Variants in DAPK2 observed in about 807,000 individuals in gnomAD.
DAPK2 encodes death-associated protein kinase 2.
Under a neutral mutation model 44.1 loss-of-function variants are expected in DAPK2, and 35 were observed. That is an observed-to-expected ratio of 0.79 (90% CI 0.61 to 1.05). The LOEUF (loss-of-function observed/expected upper bound fraction) is 1.05. Among genes scored for constraint, DAPK2 ranks in the 50% least tolerant of loss-of-function variants. The pLI, the probability that DAPK2 is intolerant of heterozygous loss-of-function variation, is 0.00. For synonymous variants in DAPK2, 174 were observed against 182.6 expected, an observed-to-expected ratio of 0.95 and a Z score of 0.38; for missense variants, 453 against 483.2, an observed-to-expected ratio of 0.94 and a Z score of 0.59.
chr15:63,960,774 G>T lies in DAPK2; in HGVS notation c.453+10649C>A, dbSNP rs191881537. 3.3e-5 allele frequency among the ~76,000 whole-genome samples: 5 copies of T among 152,274 alleles called. No homozygotes were observed. The East Asian group carries it at 9.6e-4, about 29-fold the overall frequency. On this transcript the variant is annotated intron_variant, in intron 3 of 10. Coordinates refer to ENST00000261891, the Ensembl canonical transcript of DAPK2. ...GGAGTGCTTTACTTCAAACTATGTG[G>T]TCAATTTTGGAATAAGTGTGATGTG...
At chr15:63,989,398 G>C (rs146299714) in intron 1 of DAPK2, among the ~76,000 whole-genome samples, 1 of 152,184 alleles carries the variant, frequency 6.6e-6, no homozygotes, top group South Asian at 2.1e-4. Flanking sequence ...AAAAGAGAGA[G>C]AGAAAACTGG....
intron 3 of DAPK2, among the ~76,000 whole-genome samples, chr15:63,963,491 A>T (rs1351604843): frequency 6.6e-6 from 1 of 152,134 alleles, no homozygotes; most frequent in Admixed American, 6.5e-5. Flanking sequence ...TTGTTTTTTA[A>T]TCCATTCAGC....
intron 3 of DAPK2, among the ~76,000 whole-genome samples, chr15:63,960,045 C>G (rs111399838): frequency 1.3e-5 from 2 of 152,164 alleles, no homozygotes; most frequent in African/African-American, 4.8e-5. Flanking sequence ...TGTTATTGGT[C>G]TATTCAGGGA....
At chr15:63,985,688 CA>C (rs1041744868) in intron 1 of DAPK2, among the ~76,000 whole-genome samples, 11 of 152,238 alleles carry the variant, frequency 7.2e-5, no homozygotes, top group Admixed American at 2.0e-4. Context: ...CCAAATCCCC[CA>C]GCTCCCAGCC....
chr15:64,034,522 G>T (rs1326119539), intron 1 of DAPK2, among the ~76,000 whole-genome samples: 1 of 152,176 alleles, frequency 6.6e-6, no homozygotes. Flanking sequence ...TCCTCTAAGT[G>T]GTAGCAATTA....
chr15:64,038,785 A>G (rs408866), intron 1 of DAPK2, among the ~76,000 whole-genome samples: 125,167 of 152,098 alleles, frequency 0.82, 51,810 homozygotes, highest in East Asian at 0.92. Flanking sequence ...ACTTGTGAAA[A>G]GAAAATAAAT....
At chr15:63,995,294 C>T (rs984349289) in intron 1 of DAPK2, among the ~76,000 whole-genome samples, 1 of 152,078 alleles carries the variant, frequency 6.6e-6, no homozygotes, top group East Asian at 1.9e-4. Context: ...GGACTATAGG[C>T]GCCCACCACC....
intron 3 of DAPK2, among the ~76,000 whole-genome samples, chr15:63,963,204 G>A (rs1021068048): frequency 7.2e-5 from 11 of 152,288 alleles, no homozygotes; most frequent in South Asian, 6.2e-4. Context: ...TTGGAAAAGC[G>A]CAGTATTAGG....
chr15:63,923,753 T>C lies in DAPK2; in HGVS notation c.858+1063A>G, dbSNP rs2079157491. Among the ~76,000 whole-genome samples the C allele has an allele frequency of 2.0e-5, 3 of 152,254 alleles. No individual in the cohort carries two copies. Among genetic ancestry groups the C allele is most frequent in the African/African-American group, 4.8e-5 (2 of 41,478 alleles). Reference sequence around the variant, plus strand: ...CCTTCCCCATCCTTCAATGAGCTGATGAAGCTGAGCAGATAAAGCTGACCT... The same window carrying C: ...CCTTCCCCATCCTTCAATGAGCTGACGAAGCTGAGCAGATAAAGCTGACCT... On this transcript the variant is annotated intron_variant, in intron 8 of 10. Coordinates refer to ENST00000261891, the Ensembl canonical transcript of DAPK2. This position sits in a 1 kb window ranked among gnomAD's most constrained non-coding sequence, Gnocchi z 4.2.
At chr15:63,926,877 T>A (rs1165947415) in intron 6 of DAPK2, among the ~76,000 whole-genome samples, 1 of 152,218 alleles carries the variant, frequency 6.6e-6, no homozygotes, top group East Asian at 1.9e-4. Context: ...TCTATTCCCT[T>A]GCCACATCTG....
At chr15:63,973,905 C>T (rs1254457803) in intron 2 of DAPK2, among the ~76,000 whole-genome samples, 4 of 152,152 alleles carry the variant, frequency 2.6e-5, no homozygotes, top group Non-Finnish European at 5.9e-5. Flanking sequence ...GTTTCATTAC[C>T]TACAAAAGAA....
At chr15:64,016,084 C>T (rs529116138) in intron 1 of DAPK2, among the ~76,000 whole-genome samples, 7 of 152,314 alleles carry the variant, frequency 4.6e-5, no homozygotes, top group Admixed American at 1.3e-4. Context: ...TCAGGGCCCA[C>T]GCAGCGCAGG....
intron 3 of DAPK2, among the ~76,000 whole-genome samples, chr15:63,949,173 T>C (rs2077525778): frequency 6.6e-6 from 1 of 152,208 alleles, no homozygotes; most frequent in Non-Finnish European, 1.5e-5. Flanking sequence ...TCAGTTGCAC[T>C]TGGATTTGTT....
At chr15:64,014,872 A>G (rs2079480494) in intron 1 of DAPK2, among the ~76,000 whole-genome samples, 2 of 151,898 alleles carry the variant, frequency 1.3e-5, no homozygotes, top group Admixed American at 6.6e-5. Flanking sequence ...GTGAGCTGAA[A>G]TCGTGAAATA....
chr15:63,974,955 G>A (rs1034829332), intron 2 of DAPK2, among the ~76,000 whole-genome samples: 3 of 152,174 alleles, frequency 2.0e-5, no homozygotes, highest in African/African-American at 4.8e-5. Context: ...ACTTGTGCCC[G>A]AATTTAAATG....
intron 4 of DAPK2, among the ~76,000 whole-genome samples, chr15:63,933,044 G>A (rs1363396126): frequency 6.6e-6 from 1 of 151,798 alleles, no homozygotes; most frequent in East Asian, 1.9e-4. Flanking sequence ...TTTTGCATGT[G>A]TTTCCTAATG....
chr15:63,945,692 T>C (rs1228207527), intron 3 of DAPK2, among the ~76,000 whole-genome samples: 1 of 152,156 alleles, frequency 6.6e-6, no homozygotes, highest in Non-Finnish European at 1.5e-5. Flanking sequence ...CATGTGAGCT[T>C]AAGCAGGCCA....
chr15:63,961,036 T>C (rs933076036), intron 3 of DAPK2, among the ~76,000 whole-genome samples: 3 of 152,210 alleles, frequency 2.0e-5, no homozygotes, highest in Non-Finnish European at 2.9e-5. Flanking sequence ...TGCTCCTGTA[T>C]TGGTTGCATA....
intron 3 of DAPK2, among the ~76,000 whole-genome samples, chr15:63,940,715 T>C (rs189589375): frequency 6.6e-6 from 1 of 151,410 alleles, no homozygotes; most frequent in African/African-American, 2.4e-5. Context: ...CTGTCTCAAT[T>C]AATAAATAAA....
Sources: gnomAD v4.1 joint callset for allele counts (sites outside exome capture counted in the v4.1 genomes callset) on GRCh38, gnomAD v4.1.1 for gene constraint, Gnocchi (gnomAD v3.1) non-coding constraint, MANE v1.5 for transcripts, NCBI Gene and HGNC (gene_info 2026-07-23, HGNC 2026-07-21) for gene names.